Variants in TF observed in about 807,000 individuals in gnomAD.
TF encodes transferrin.
A neutral mutation model predicts 82.4 loss-of-function variants in TF; 55 were observed. The observed-to-expected ratio is 0.67, with a 90% CI of 0.54 to 0.84. The LOEUF is 0.84. Among genes scored for constraint, TF ranks in the 40% least tolerant of loss-of-function variants. The pLI, the probability that TF is intolerant of heterozygous loss-of-function variation, is 0.00. For missense variants in TF, 737 were observed against 868.4 expected (o/e 0.85, Z 1.90); for synonymous variants, 332 against 332.6 (o/e 1.00, Z 0.02).
At chr3:133,757,996 T>C in intron 8 of TF, 50 bp downstream of exon 8, 1 of 1,592,084 alleles carries the variant, frequency 6.3e-7, no homozygotes, top group South Asian at 1.1e-5. Context: ...GGAAACCTGG[T>C]GAGCACAGGG....
chr3:133,791,937 C>T lies in TF; in HGVS notation c.*13317C>T, dbSNP rs1322984209. 1.3e-5 allele frequency: 2 copies of T among 152,102 alleles called. No individual in the cohort carries two copies. The highest frequency in any genetic ancestry group is 2.9e-5 in the Non-Finnish European group (2 of 68,028). 9.4% of individuals were successfully genotyped at this position (152,102 alleles called of 1,614,324 possible). Reference sequence around the variant, plus strand: ...AGAAAAGTAAAAAATGTAATGCCTTCTATTTACTTCATGTAACTTAAGTAA... The same window carrying T: ...AGAAAAGTAAAAAATGTAATGCCTTTTATTTACTTCATGTAACTTAAGTAA... On this transcript the variant is annotated 3_prime_UTR_variant, in exon 17 of 17. Transcript: ENST00000402696.
rs1933791589 is a variant in TF at position 133,755,243 on chromosome 3, G to C, written c.503-120G>C. 7 of 1,287,218 alleles carry C rather than the reference G, an allele frequency of 5.4e-6. No individual in the cohort carries two copies. The Admixed American group carries it at 1.0e-4, about 19-fold the overall frequency. 79.7% of individuals were successfully genotyped at this position (1,287,218 alleles called of 1,614,324 possible). ...TGAGTTAGCATAAGGGCAAGCTGGG[G>C]CTGCATGTGCTGGTTTGGTTTTAGT... On this transcript the variant is annotated intron_variant, in intron 4 of 16. Transcript: ENST00000402696.
At chr3:133,705,604 T>C in the TF span, among the ~76,000 whole-genome samples, 1 of 152,206 alleles carries the variant, frequency 6.6e-6, no homozygotes, top group African/African-American at 2.4e-5. Context: ...TGCAGAACCT[T>C]AACCCACTGA....
At chr3:133,733,405 G>A in the TF span, among the ~76,000 whole-genome samples, 4 of 152,162 alleles carry the variant, frequency 2.6e-5, no homozygotes, top group Non-Finnish European at 4.4e-5. Flanking sequence ...GAGGTGTCCT[G>A]TAAATAGTGT....
chr3:133,695,438 G>A, the TF span, among the ~76,000 whole-genome samples: 2 of 152,202 alleles, frequency 1.3e-5, no homozygotes, highest in Admixed American at 6.5e-5. Context: ...AGCAGAGAGA[G>A]GGTTTCACCA....
chr3:133,673,644 A>C, the TF span, among the ~76,000 whole-genome samples: 1 of 152,302 alleles, frequency 6.6e-6, no homozygotes, highest in South Asian at 2.1e-4. Context: ...AAGCTCAAAA[A>C]TCAGCAGAAT....
Position 133,779,923 on chromosome 3 carries a change from T to C in TF, c.*1303T>C, listed in dbSNP as rs1359210649. 6.6e-6 allele frequency: 1 copy of C among 152,174 alleles called. No individual in the cohort carries two copies. The highest frequency in any genetic ancestry group is 2.4e-5 in the African/African-American group (1 of 41,434). 9.4% of individuals were successfully genotyped at this position (152,174 alleles called of 1,614,324 possible). A position where few individuals can be genotyped will look rare whatever the true frequency, so the allele number is the denominator to read the frequency against. ...TCTACCCAATCACATAAGCCATAAA[T>C]AGAGGGGTGAAATTTCAGTTCGCCA... On this transcript the variant is annotated 3_prime_UTR_variant, in exon 17 of 17. Transcript: ENST00000402696.
At chr3:133,731,304 A>C in the TF span, among the ~76,000 whole-genome samples, 1 of 152,212 alleles carries the variant, frequency 6.6e-6, no homozygotes, top group Non-Finnish European at 1.5e-5. Context: ...TGGGAAGTAC[A>C]ATCCTTAAAT....
the TF span, among the ~76,000 whole-genome samples, chr3:133,695,822 G>A: frequency 6.6e-6 from 1 of 152,156 alleles, no homozygotes; most frequent in South Asian, 2.1e-4. Context: ...CAAGCCCTTT[G>A]ATACCACAGC....
At chr3:133,722,039 T>C in the TF span, among the ~76,000 whole-genome samples, 1 of 152,086 alleles carries the variant, frequency 6.6e-6, no homozygotes, top group East Asian at 1.9e-4. Flanking sequence ...GCCACCAAGC[T>C]CGGCTAATTT....
the TF span, among the ~76,000 whole-genome samples, chr3:133,673,272 C>G: frequency 6.6e-6 from 1 of 152,098 alleles, no homozygotes; most frequent in South Asian, 2.1e-4. Flanking sequence ...CAAAACTGAC[C>G]TTATTCATAT....
At chr3:133,686,239 A>G in the TF span, among the ~76,000 whole-genome samples, 1 of 152,220 alleles carries the variant, frequency 6.6e-6, no homozygotes, top group African/African-American at 2.4e-5. Context: ...TAAAACCATA[A>G]AAACCCTAGA....
upstream of TF, among the ~76,000 whole-genome samples, chr3:133,745,503 A>T (rs995229645): frequency 6.6e-6 from 1 of 152,234 alleles, no homozygotes; most frequent in African/African-American, 2.4e-5. Flanking sequence ...AAATATAAGC[A>T]TATAGAAGGC....
rs1934731737 is a variant in TF, at chr3:133,788,066, G to T, written c.*9446G>T. ...TAGAAGACAGTTTAAGATAAACCAT[G>T]TGTGTAGTTTATTCAACCCTACTGA... On this transcript the variant is annotated 3_prime_UTR_variant, in exon 17 of 17. Coordinates refer to ENST00000402696, the MANE Select transcript of TF (RefSeq NM_001063.4). 1 of 152,204 alleles carries T rather than the reference G, an allele frequency of 6.6e-6. No individual in the cohort carries two copies. Among genetic ancestry groups the T allele is most frequent in the Admixed American group, 6.5e-5 (1 of 15,278 alleles). The allele number at this position is 152,204 out of a possible 1,614,324, so 9.4% of individuals were successfully genotyped here. A position where few individuals can be genotyped will look rare whatever the true frequency, so the allele number is the denominator to read the frequency against.
chr3:133,663,698 G>T, the TF span, among the ~76,000 whole-genome samples: 1 of 152,090 alleles, frequency 6.6e-6, no homozygotes, highest in African/African-American at 2.4e-5. Flanking sequence ...TCACTTGCCC[G>T]TGCCTTTCCT....
At chr3:133,711,742 G>T in the TF span, among the ~76,000 whole-genome samples, 1 of 152,140 alleles carries the variant, frequency 6.6e-6, no homozygotes, top group East Asian at 1.9e-4. Flanking sequence ...ACCATATCCA[G>T]CTTACTGCCC....
chr3:133,748,460 C>T lies in TF; in HGVS notation c.92C>T (p.Ser31Leu), dbSNP rs758750247. The T allele has an allele frequency of 6.8e-6, 11 of 1,613,952 alleles. No homozygotes were observed. The highest frequency in any genetic ancestry group is 3.3e-5 in the South Asian group (3 of 91,072). Residue 31 changes from serine to leucine, a missense_variant, in exon 2 of 17, where the codon TCG becomes TTG. Coordinates refer to ENST00000402696, the MANE Select transcript of TF (RefSeq NM_001063.4). ...PDKTVRWCAVSEHEATKCQSF... is the reference protein window; with the variant it reads ...PDKTVRWCAVLEHEATKCQSF... ...AAAACTGTGAGATGGTGTGCAGTGTCGGAGCATGAGGCCACTAAGTGCCAG... is the reference window on the plus strand; with the variant it reads ...AAAACTGTGAGATGGTGTGCAGTGTTGGAGCATGAGGCCACTAAGTGCCAG...
At chr3:133,756,476 A>C (rs560209296) in intron 6 of TF, 139 bp downstream of exon 6, 1 of 1,006,642 alleles carries the variant, frequency 9.9e-7, no homozygotes, top group Admixed American at 2.0e-5. Context: ...CCACCTGTGC[A>C]GAGTTAGGTA....
chr3:133,684,307 G>T, the TF span, among the ~76,000 whole-genome samples: 1 of 152,246 alleles, frequency 6.6e-6, no homozygotes, highest in African/African-American at 2.4e-5. Flanking sequence ...AGAAGCAAGA[G>T]CAAACGCATT....
Sources: allele counts gnomAD v4.1 joint callset (sites outside exome capture counted in the v4.1 genomes callset), GRCh38; gene constraint gnomAD v4.1.1; transcripts MANE v1.5; gene names NCBI Gene and HGNC (gene_info 2026-07-23, HGNC 2026-07-21).